NSD1: variants seen among roughly 807,000 people sequenced by gnomAD.
NSD1 encodes the protein histone-lysine N-methyltransferase, H3 lysine-36 specific.
Under a neutral mutation model 242.7 loss-of-function variants are expected in NSD1, and 26 were observed. That is an observed-to-expected ratio of 0.11 (90% CI 0.08 to 0.15). The LOEUF is 0.15. NSD1 is among the 10% of genes least tolerant of loss of function. The pLI, the probability that NSD1 is intolerant of heterozygous loss-of-function variation, is 1.00. For synonymous variants in NSD1, 1,106 were observed against 1,178.1 expected (o/e 0.94, Z 1.25); for missense variants, 2,495 against 3,272.8 (o/e 0.76, Z 5.80).
intron 2 of NSD1, among the ~76,000 whole-genome samples, chr5:177,190,841 T>TG (rs1562179038): frequency 2.0e-5 from 3 of 146,506 alleles, no homozygotes; most frequent in African/African-American, 8.2e-5. Flanking sequence ...AGCTAATTTT[T>TG]TATTTTTAGT....
chr5:177,164,251 G>A (rs1482761403), intron 2 of NSD1, among the ~76,000 whole-genome samples: 1 of 151,250 alleles, frequency 6.6e-6, no homozygotes, highest in Non-Finnish European at 1.5e-5. Flanking sequence ...CTGCCTTCTG[G>A]GTTCTAGCAG....
At chr5:177,186,286 G>C (rs1390172126) in intron 2 of NSD1, among the ~76,000 whole-genome samples, 1 of 149,946 alleles carries the variant, frequency 6.7e-6, no homozygotes, top group East Asian at 1.9e-4. Flanking sequence ...GGGAGACCCT[G>C]TCTCAGAAAC....
rs945836622 is a variant in NSD1 at position 177,296,243 on chromosome 5, C to G, written c.*784C>G. On this transcript the variant is annotated 3_prime_UTR_variant, in exon 23 of 23. Coordinates refer to ENST00000439151, the MANE Select transcript of NSD1 (RefSeq NM_022455.5). ...TGCTTTTGTCTGGGCTGTGCAGAGT[C>G]TCAAGATCAGTCCTTGGAGGAGCAG... 1 of 234,512 alleles carries G rather than the reference C, an allele frequency of 4.3e-6. No individual in the cohort carries two copies. The highest frequency in any genetic ancestry group is 2.2e-5 in the African/African-American group (1 of 45,352). The allele number at this position is 234,512 out of a possible 1,614,324, so 14.5% of individuals were successfully genotyped here.
At position 177,299,212 on chromosome 5, in the gene NSD1, C is replaced by T. The variant is rs75809529; in HGVS notation, c.*3753C>T. On this transcript the variant is annotated 3_prime_UTR_variant, in exon 23 of 23. Coordinates refer to ENST00000439151, the MANE Select transcript of NSD1 (RefSeq NM_022455.5). ...AAATGTAATGATGGTGCTAATTTCACGGTATAAATAAGCACTGCCAAGGGT... is the reference window on the plus strand; with the variant it reads ...AAATGTAATGATGGTGCTAATTTCATGGTATAAATAAGCACTGCCAAGGGT... 3.3e-3 allele frequency: 775 copies of T among 233,246 alleles called. 7 individuals are homozygous for T. Among genetic ancestry groups the T allele is most frequent in the African/African-American group, 0.015 (670 of 45,454 alleles). The allele number at this position is 233,246 out of a possible 1,614,324, so 14.4% of individuals were successfully genotyped here. A position where few individuals can be genotyped will look rare whatever the true frequency, so the allele number is the denominator to read the frequency against.
rs1419114439 is a variant in NSD1, at chr5:177,267,552, A to G, written c.5147-10A>G. 4 of 1,613,518 alleles carry G rather than the reference A, an allele frequency of 2.5e-6. No homozygotes were observed. The highest frequency in any genetic ancestry group is 3.4e-6 in the Non-Finnish European group (4 of 1,179,762). On this transcript the variant is annotated splice_polypyrimidine_tract_variant and intron_variant, in intron 14 of 22. Coordinates refer to ENST00000439151, the MANE Select transcript of NSD1 (RefSeq NM_022455.5). ...TGTGATCTGAATGCCACATTTTTTT[A>G]TTCCCACAGGAGGCAGCCTTCTGTG... is the stretch of plus-strand genomic sequence containing the variant.
intron 20 of NSD1, among the ~76,000 whole-genome samples, chr5:177,284,593 A>T (rs1351013898): frequency 2.6e-5 from 4 of 152,144 alleles, no homozygotes; most frequent in Non-Finnish European, 4.4e-5. Context: ...AGCTTGGCTC[A>T]TTTCTTTTAG....
chr5:177,272,840 T>G, intron 16 of NSD1, among the ~76,000 whole-genome samples: 1 of 151,988 alleles, frequency 6.6e-6, no homozygotes, highest in Non-Finnish European at 1.5e-5. Flanking sequence ...CTGTGATTGC[T>G]CCATTGCACT....
intron 2 of NSD1, among the ~76,000 whole-genome samples, chr5:177,165,771 G>A (rs2149793083): frequency 6.8e-6 from 1 of 146,404 alleles, no homozygotes; most frequent in South Asian, 2.2e-4. Context: ...GCAAATCACT[G>A]TTGTTGTTGT....
intron 22 of NSD1, among the ~76,000 whole-genome samples, chr5:177,292,850 T>A (rs1179674464): frequency 6.6e-6 from 1 of 152,146 alleles, no homozygotes; most frequent in East Asian, 1.9e-4. Flanking sequence ...TCTATTTTAA[T>A]GAACAAAAAA....
chr5:177,266,248 C>T (rs1757447545), intron 14 of NSD1: 5 of 780,786 alleles, frequency 6.4e-6, no homozygotes, highest in East Asian at 2.6e-5. Context: ...GGAGCTCTAT[C>T]TCCTCCACCT....
At chr5:177,219,462 G>A (rs746449412) in intron 5 of NSD1, among the ~76,000 whole-genome samples, 4 of 151,666 alleles carry the variant, frequency 2.6e-5, no homozygotes, top group Non-Finnish European at 2.9e-5. Context: ...TGGGATTACA[G>A]GCGTGAGCCA....
intron 2 of NSD1, among the ~76,000 whole-genome samples, chr5:177,179,993 A>G (rs1348537323): frequency 2.6e-5 from 4 of 151,836 alleles, no homozygotes; most frequent in African/African-American, 4.8e-5. Flanking sequence ...CTCCACCTCC[A>G]GGTTTCAAGC....
At chr5:177,188,649 C>G (rs1484227306) in intron 2 of NSD1, among the ~76,000 whole-genome samples, 1 of 152,036 alleles carries the variant, frequency 6.6e-6, no homozygotes, top group Non-Finnish European at 1.5e-5. Flanking sequence ...GATATGACAT[C>G]TTAGCATATT....
In NSD1 at chr5:177,295,462, C is replaced by A. The variant is rs768403847; in HGVS notation, c.*3C>A. ...GTGCAGAATCAGAACAGAAGTAGTA[C>A]CAATCAATGTCACATGAACAAACAA... On this transcript the variant is annotated 3_prime_UTR_variant, in exon 23 of 23. Transcript: ENST00000439151. This position sits in a 1 kb window ranked among gnomAD's most constrained non-coding sequence, Gnocchi z 4.3. 6.2e-7 allele frequency: 1 copy of A among 1,613,700 alleles called. No individual in the cohort carries two copies. The highest frequency in any genetic ancestry group is 8.5e-7 in the Non-Finnish European group (1 of 1,179,772).
chr5:177,293,682 A>G (rs537264095), intron 22 of NSD1, 150 bp from the exon 23 acceptor site: 2 of 759,282 alleles, frequency 2.6e-6, no homozygotes, highest in South Asian at 3.3e-5. Context: ...TTCTGGGGCA[A>G]GAGGTGGCTG....
Position 177,296,236 on chromosome 5 carries a change from G to A in NSD1, c.*777G>A. ...CCGCTGCTGCTTTTGTCTGGGCTGT[G>A]CAGAGTCTCAAGATCAGTCCTTGGA... On this transcript the variant is annotated 3_prime_UTR_variant, in exon 23 of 23. Transcript: ENST00000439151. 4.3e-6 allele frequency: 1 copy of A among 235,260 alleles called. No individual in the cohort carries two copies. Among genetic ancestry groups the A allele is most frequent in the Non-Finnish European group, 8.4e-6 (1 of 119,412 alleles). The allele number at this position is 235,260 out of a possible 1,614,324, so 14.6% of individuals were successfully genotyped here.
chr5:177,231,743 C>A lies in NSD1; in HGVS notation c.3797-4078C>A, dbSNP rs186934455. Among the ~76,000 whole-genome samples the A allele has an allele frequency of 3.3e-5, 5 of 151,988 alleles. No individual in the cohort carries two copies. The East Asian group carries it at 7.7e-4, about 24-fold the overall frequency. ...ACCGTGACAAGATTTTTTTAAAGGA[C>A]GTACCCAAAATTCCATTTTTAATCT... is the stretch of plus-strand genomic sequence containing the variant. On this transcript the variant is annotated intron_variant, in intron 5 of 22. Coordinates refer to ENST00000439151, the MANE Select transcript of NSD1 (RefSeq NM_022455.5).
chr5:177,211,702 T>A lies in NSD1; in HGVS notation c.3303T>A (p.Asp1101Glu), dbSNP rs1049012638. The A allele has an allele frequency of 1.2e-6, 2 of 1,613,972 alleles. No individual in the cohort carries two copies. The highest frequency in any genetic ancestry group is 3.3e-5 in the Admixed American group (2 of 59,984). Reference sequence around the variant, plus strand: ...TAATGGGCCACTTAACAAGTGAAGATGGTGACCATTTTTCTGATGTGCATT... The same window carrying A: ...TAATGGGCCACTTAACAAGTGAAGAAGGTGACCATTTTTCTGATGTGCATT... ...LQIMGHLTSE[D>E]GDHFSDVHFD... Residue 1101 changes from aspartate (D) to glutamate (E), a missense_variant, in exon 5 of 23, where the codon GAT (aspartate) becomes GAA (glutamate). Physicochemically the swap from Asp to Glu is conservative, Grantham distance 45. Around this residue, in one of 19 missense-constraint regions of NSD1, gnomAD observed 426 missense variants for 411.4 expected, o/e 1.04. Transcript: ENST00000439151.
chr5:177,166,408 TGTG>T (rs1228103826), intron 2 of NSD1, among the ~76,000 whole-genome samples: 4 of 151,894 alleles, frequency 2.6e-5, no homozygotes, highest in African/African-American at 7.3e-5. Context: ...ATTAGCCAAG[TGTG>T]GTGGCATGCA....
Sources: gnomAD v4.1 joint callset for allele counts (sites outside exome capture counted in the v4.1 genomes callset) on GRCh38, gnomAD v4.1.1 for gene constraint, gnomAD v4.1.1 regional missense constraint, Gnocchi (gnomAD v3.1) non-coding constraint, MANE v1.5 for transcripts, NCBI Gene and HGNC (gene_info 2026-07-23, HGNC 2026-07-21) for gene names.